Variants in POMP observed in about 807,000 individuals in gnomAD.
POMP encodes proteasome maturation protein, also known as 2510048O06Rik.
POMP carries 12 observed loss-of-function variants against 20.6 expected under a neutral mutation model. The observed-to-expected ratio is 0.58, with a 90% CI of 0.37 to 0.94. The LOEUF (loss-of-function observed/expected upper bound fraction) is 0.94. Among genes scored for constraint, POMP ranks in the 40% least tolerant of loss-of-function variants. The pLI is 0.01. For missense variants in POMP, 136 were observed against 161.1 expected, an observed-to-expected ratio of 0.84 and a Z score of 0.84; for synonymous variants, 53 against 55.0, an observed-to-expected ratio of 0.96 and a Z score of 0.16.
At chr13:28,664,616 AC>A (rs1884408403) in intron 3 of POMP, 47 bp downstream of exon 3, 3 of 1,114,170 alleles carry the variant, frequency 2.7e-6, no homozygotes, top group Middle Eastern at 2.8e-4. Context: ...ATAGATAAAT[AC>A]TTTTACTAAT....
At position 28,673,859 on chromosome 13, in the gene POMP, T is replaced by C. The variant is rs939752097; in HGVS notation, c.358+1427T>C. Among the ~76,000 whole-genome samples the C allele has an allele frequency of 6.6e-5, 10 of 152,332 alleles. 1 individual carries two copies. In the South Asian group the frequency reaches 2.1e-3, roughly 32 times the overall value. ...ATATGTGTCAGGCACTGGGCTAGGC[T>C]CTGAATATACAGCTGTGAACAAAAC... is the stretch of plus-strand genomic sequence containing the variant. On this transcript the variant is annotated intron_variant, in intron 5 of 5. Coordinates refer to ENST00000380842, the MANE Select transcript of POMP (RefSeq NM_015932.6).
chr13:28,673,926 A>G (rs1884590197), intron 5 of POMP, among the ~76,000 whole-genome samples: 1 of 152,242 alleles, frequency 6.6e-6, no homozygotes, highest in African/African-American at 2.4e-5. Flanking sequence ...ACACATAAAC[A>G]CAAATATACA....
At chr13:28,662,587 A>G in intron 2 of POMP, 80 bp downstream of exon 2, 8 of 1,180,520 alleles carry the variant, frequency 6.8e-6, no homozygotes, top group Non-Finnish European at 1.0e-5. Flanking sequence ...TTGATAGGCT[A>G]TACATGTGTA....
At chr13:28,675,295 C>G (rs964623097) in intron 5 of POMP, among the ~76,000 whole-genome samples, 1 of 152,074 alleles carries the variant, frequency 6.6e-6, no homozygotes, top group African/African-American at 2.4e-5. Flanking sequence ...TGCCCACGAC[C>G]ACACCTGCCT....
At position 28,678,899 on chromosome 13, in the gene POMP, A is replaced by G. The variant is rs2137802664; in HGVS notation, c.*797A>G. 6.6e-6 allele frequency: 1 copy of G among 152,340 alleles called. No homozygotes were observed. Among genetic ancestry groups the G allele is most frequent in the South Asian group, 2.1e-4 (1 of 4,828 alleles). 9.4% of individuals were successfully genotyped at this position (152,340 alleles called of 1,614,324 possible). The stretch of plus-strand genomic sequence containing the variant: ...TGGATCATCTTTTACAATTAAAAGT[A>G]TATTTTGATTATCAGTTTCTTAGGA... On this transcript the variant is annotated 3_prime_UTR_variant, in exon 6 of 6. Transcript: ENST00000380842.
chr13:28,673,202 C>T (rs1316736000), intron 5 of POMP, among the ~76,000 whole-genome samples: 1 of 151,752 alleles, frequency 6.6e-6, no homozygotes, highest in Non-Finnish European at 1.5e-5. Context: ...TCCCAAGTAG[C>T]TGGGATTACA....
intron 2 of POMP, among the ~76,000 whole-genome samples, 199 bp downstream of exon 2, chr13:28,662,706 A>G (rs772646934): frequency 6.6e-6 from 1 of 152,220 alleles, no homozygotes; most frequent in Non-Finnish European, 1.5e-5. Flanking sequence ...TAGGTTCCCA[A>G]TTAGAGCATC....
At chr13:28,668,598 A>T (rs189587934) in intron 4 of POMP, 24 bp downstream of exon 4, 2 of 1,470,598 alleles carry the variant, frequency 1.4e-6, no homozygotes, top group African/African-American at 1.4e-5. Context: ...TCTCTGTTGC[A>T]TATGTGTCGA....
Position 28,678,241 on chromosome 13 carries a change from G to T in POMP, c.*139G>T. 2.3e-6 allele frequency: 2 copies of T among 855,276 alleles called. No individual in the cohort carries two copies. The highest frequency in any genetic ancestry group is 2.8e-5 in the South Asian group (2 of 71,098). The allele number at this position is 855,276 out of a possible 1,614,324, so 53.0% of individuals were successfully genotyped here. A position where few individuals can be genotyped will look rare whatever the true frequency, so the allele number is the denominator to read the frequency against. On this transcript the variant is annotated 3_prime_UTR_variant, in exon 6 of 6. Coordinates refer to ENST00000380842, the MANE Select transcript of POMP (RefSeq NM_015932.6). Reference sequence around the variant, plus strand: ...AGTATCAGTGATCATTTAAAATTTGGAGGGGTCTTTGGTTTACAGCCATGT... The same window carrying T: ...AGTATCAGTGATCATTTAAAATTTGTAGGGGTCTTTGGTTTACAGCCATGT...
chr13:28,669,386 AT>A (rs1485179726), intron 4 of POMP, among the ~76,000 whole-genome samples: 3 of 151,610 alleles, frequency 2.0e-5, no homozygotes, highest in African/African-American at 7.3e-5. Context: ...CTTTGTATTT[AT>A]TTTTTTGATA....
At chr13:28,661,463 C>G (rs978525481) in intron 1 of POMP, among the ~76,000 whole-genome samples, 1 of 149,386 alleles carries the variant, frequency 6.7e-6, no homozygotes, top group South Asian at 2.1e-4. Context: ...AAGACCCTAT[C>G]TCAAAAAGTA....
intron 3 of POMP, among the ~76,000 whole-genome samples, chr13:28,667,033 G>A (rs1333775778): frequency 6.6e-6 from 1 of 152,174 alleles, no homozygotes; most frequent in Non-Finnish European, 1.5e-5. Flanking sequence ...AGTGCGGAGG[G>A]TTGAGATACA....
chr13:28,659,631 A>G (rs1884299222), intron 1 of POMP, among the ~76,000 whole-genome samples: 1 of 152,152 alleles, frequency 6.6e-6, no homozygotes, highest in South Asian at 2.1e-4. Context: ...TGCCTAGTAA[A>G]CAGCCCACAA....
At position 28,664,586 on chromosome 13, in the gene POMP, G is replaced by A. The variant is rs1038506128; in HGVS notation, c.162+17G>A. On this transcript the variant is annotated intron_variant, in intron 3 of 5. Transcript: ENST00000380842. ...GAAAAAAATGTAAGTATATTATTAT[G>A]TCCTTATTTTTATCTTCTAATAGAT... 1 of 1,389,450 alleles carries A rather than the reference G, an allele frequency of 7.2e-7. No homozygotes were observed. The highest frequency in any genetic ancestry group is 1.8e-5 in the Admixed American group (1 of 55,984). The allele number at this position is 1,389,450 out of a possible 1,614,324, so 86.1% of individuals were successfully genotyped here. A position where few individuals can be genotyped will look rare whatever the true frequency, so the allele number is the denominator to read the frequency against.
intron 4 of POMP, among the ~76,000 whole-genome samples, chr13:28,669,157 C>G (rs1002713442): frequency 6.6e-6 from 1 of 152,126 alleles, no homozygotes; most frequent in Admixed American, 6.5e-5. Context: ...TAACTTGTCT[C>G]TCATTGAGTG....
chr13:28,663,969 GTCATC>G lies in POMP; in HGVS notation c.102-538_102-534del, dbSNP rs550344789. ...AAATCCTAGTTTGGATAATAAGGTA[GTCATC>G]TTTATATAGCTAGAGTGATAAAGAC... On this transcript the variant is annotated intron_variant, in intron 2 of 5. Coordinates refer to ENST00000380842, the MANE Select transcript of POMP (RefSeq NM_015932.6). 4.7e-4 allele frequency among the ~76,000 whole-genome samples: 72 copies of G among 152,294 alleles called. No individual in the cohort carries two copies. In the East Asian group the frequency reaches 0.012, roughly 25 times the overall value.
At chr13:28,677,011 A>G (rs1754947) in intron 5 of POMP, among the ~76,000 whole-genome samples, 6,769 of 152,254 alleles carry the variant, frequency 0.044, 502 homozygotes, top group African/African-American at 0.15. Flanking sequence ...GGGTGTGGAG[A>G]AAAGTTTAGT....
rs781171618 is a variant in POMP, at chr13:28,674,512, T to C, written c.358+2080T>C. ...CCAGCTTGCAGAATGGAGAGACCAA[T>C]AGAGAACTGTCTCCCAGCATATATA... On this transcript the variant is annotated intron_variant, in intron 5 of 5. Transcript: ENST00000380842. Among the ~76,000 whole-genome samples, 73 of 152,178 alleles carry C rather than the reference T, an allele frequency of 4.8e-4. 1 individual carries two copies. The highest frequency in any genetic ancestry group is 8.8e-4 in the Non-Finnish European group (60 of 68,032).
chr13:28,661,758 A>G (rs1884345254), intron 1 of POMP, among the ~76,000 whole-genome samples: 2 of 152,222 alleles, frequency 1.3e-5, no homozygotes, highest in African/African-American at 4.8e-5. Flanking sequence ...CTATCTTCAT[A>G]TAGAAACCAA....
Sources: allele counts gnomAD v4.1 joint callset (sites outside exome capture counted in the v4.1 genomes callset), GRCh38; gene constraint gnomAD v4.1.1; transcripts MANE v1.5; gene names NCBI Gene and HGNC (gene_info 2026-07-23, HGNC 2026-07-21).